TRIM14: variants seen among roughly 807,000 people sequenced by gnomAD.
TRIM14 encodes the protein tripartite motif-containing protein 14.
In TRIM14, 28 loss-of-function variants were observed where a neutral mutation model predicts 44.5. The observed-to-expected ratio is 0.63, with a 90% CI of 0.47 to 0.86. TRIM14 has a LOEUF of 0.86. Among genes scored for constraint, TRIM14 ranks in the 40% least tolerant of loss-of-function variants. TRIM14 has a pLI of 0.00. For missense variants in TRIM14, 607 were observed against 611.1 expected (o/e 0.99, Z 0.07); for synonymous variants, 299 against 269.2 (o/e 1.11, Z -1.08).
At chr9:98,113,694 A>C in intron 1 of TRIM14, among the ~76,000 whole-genome samples, 1 of 152,316 alleles carries the variant, frequency 6.6e-6, no homozygotes, top group South Asian at 2.1e-4. Context: ...ATAAAAATGT[A>C]ATGTAGAATT....
At chr9:98,082,936 G>T (rs1248100555), downstream of TRIM14, 2 of 1,614,056 alleles carry the variant, frequency 1.2e-6, no homozygotes, top group Non-Finnish European at 1.7e-6. Flanking sequence ...TGAGCCCAAA[G>T]GCTATCCTCC....
At chr9:98,057,596 A>C in the TRIM14 span, among the ~76,000 whole-genome samples, 1 of 152,152 alleles carries the variant, frequency 6.6e-6, no homozygotes, top group African/African-American at 2.4e-5. Flanking sequence ...ATGGGGATCA[A>C]ATGAGATTCT....
chr9:98,107,477 G>T (rs1310321218), intron 2 of TRIM14, among the ~76,000 whole-genome samples: 1 of 152,232 alleles, frequency 6.6e-6, no homozygotes, highest in African/African-American at 2.4e-5. Context: ...ACATGGGAAT[G>T]AACTAGTGGT....
Position 98,087,200 on chromosome 9 carries a change from G to C in TRIM14, c.*270C>G. 1.3e-6 allele frequency: 1 copy of C among 745,988 alleles called. No individual in the cohort carries two copies. The highest frequency in any genetic ancestry group is 2.5e-6 in the Non-Finnish European group (1 of 397,292). 46.2% of individuals were successfully genotyped at this position (745,988 alleles called of 1,614,324 possible). A position where few individuals can be genotyped will look rare whatever the true frequency, so the allele number is the denominator to read the frequency against. ...TACCTGTGGGGGTATCACTTTGAAG[G>C]AACTGGATTAAAGTAGTGTAAGTGA... On this transcript the variant is annotated 3_prime_UTR_variant, in exon 6 of 6. Coordinates refer to ENST00000341469, the MANE Select transcript of TRIM14 (RefSeq NM_014788.4).
downstream of TRIM14, among the ~76,000 whole-genome samples, chr9:98,067,255 T>C (rs1829175236): frequency 6.6e-6 from 1 of 152,246 alleles, no homozygotes; most frequent in South Asian, 2.1e-4. Context: ...TGTTCATTTC[T>C]CTTCGGTATT....
downstream of TRIM14, among the ~76,000 whole-genome samples, chr9:98,066,156 A>G (rs1378332172): frequency 6.6e-6 from 1 of 152,208 alleles, no homozygotes; most frequent in Non-Finnish European, 1.5e-5. Context: ...GAGAAATGTT[A>G]TGTGTGCATT....
downstream of TRIM14, among the ~76,000 whole-genome samples, chr9:98,065,650 T>C (rs1829125566): frequency 6.6e-6 from 1 of 151,716 alleles, no homozygotes; most frequent in South Asian, 2.1e-4. Context: ...CTTTTTTTTT[T>C]TTCCCCCTGG....
the TRIM14 span, chr9:98,060,965 G>A: frequency 6.2e-7 from 1 of 1,614,030 alleles, no homozygotes; most frequent in Non-Finnish European, 8.5e-7. Flanking sequence ...CGAGGAGGTT[G>A]GGATCTTCTT....
chr9:98,082,943 C>T (rs1372024010), downstream of TRIM14: 1 of 1,614,184 alleles, frequency 6.2e-7, no homozygotes, highest in South Asian at 1.1e-5. Flanking sequence ...AAAGGCTATC[C>T]TCCTGAAGAC....
At chr9:98,069,961 G>A (rs539756098) in intron 6 of TRIM14, among the ~76,000 whole-genome samples, 3 of 152,318 alleles carry the variant, frequency 2.0e-5, no homozygotes, top group African/African-American at 7.2e-5. Flanking sequence ...CATTCACCCA[G>A]TTGTGGTATT....
the TRIM14 span, chr9:98,056,724 C>A: frequency 6.6e-7 from 1 of 1,514,672 alleles, no homozygotes; most frequent in Non-Finnish European, 8.8e-7. Flanking sequence ...GGTCTCGCAG[C>A]GTTGCTCACA....
Position 98,087,481 on chromosome 9 carries a change from G to A in TRIM14, c.1318C>T (p.Arg440Trp), listed in dbSNP as rs144459488. 1.9e-6 allele frequency: 3 copies of A among 1,602,358 alleles called. No individual in the cohort carries two copies. The highest frequency in any genetic ancestry group is 2.6e-6 in the Non-Finnish European group (3 of 1,174,024). Reference protein sequence around the residue: ...RLWEGAISIPRLP With the variant: ...RLWEGAISIPWLP ...GCCGGTCCTGGCCCCTAGGGCAGCCGGGGGATGCTGATGGCCCCCTCCCAG... is the reference window on the plus strand; with the variant it reads ...GCCGGTCCTGGCCCCTAGGGCAGCCAGGGGATGCTGATGGCCCCCTCCCAG... Residue 440 changes from arginine to tryptophan, a missense_variant, in exon 6 of 6, where the codon CGG becomes TGG. Arg to Trp is a moderately radical substitution (Grantham distance 101). Transcript: ENST00000341469.
chr9:98,064,895 C>T (rs1829090564), downstream of TRIM14, among the ~76,000 whole-genome samples: 1 of 152,198 alleles, frequency 6.6e-6, no homozygotes, highest in Admixed American at 6.5e-5. Flanking sequence ...GCTGGAGAGT[C>T]TCTGGGCCCA....
At position 98,118,998 on chromosome 9, in the gene TRIM14, G is replaced by C; in HGVS notation, c.191C>G (p.Ala64Gly). Residue 64 changes from alanine (A) to glycine (G), a missense_variant, in exon 1 of 6, where the codon GCA becomes GGA. Ala to Gly is a moderately conservative substitution (Grantham distance 60, BLOSUM62 0). This residue lies in a region of TRIM14 where 246 missense variants were observed against 270.8 expected (regional missense o/e 0.91). Coordinates refer to ENST00000341469, the MANE Select transcript of TRIM14 (RefSeq NM_014788.4). ...RGHPVGLALE[A>G]AVHVQKLSQE... is the part of the protein sequence containing the mutation. ...CGTCCCCACCTGCACGTGCACCGCT[G>C]CCTCCAGCGCCAGGCCCACAGGGTG... The C allele has an allele frequency of 6.4e-7, 1 of 1,554,556 alleles. No homozygotes were observed. Among genetic ancestry groups the C allele is most frequent in the Non-Finnish European group, 8.6e-7 (1 of 1,159,640 alleles).
chr9:98,056,437 A>AT, the TRIM14 span, among the ~76,000 whole-genome samples: 2,139 of 152,262 alleles, frequency 0.014, 47 homozygotes, highest in African/African-American at 0.049. Flanking sequence ...CAGGACATAG[A>AT]CTATGCCCTG....
the TRIM14 span, among the ~76,000 whole-genome samples, chr9:98,050,091 C>T: frequency 2.0e-5 from 3 of 152,160 alleles, no homozygotes; most frequent in Admixed American, 6.6e-5. Flanking sequence ...TCAGCGTTTG[C>T]CTTATTTTAA....
intron 1 of TRIM14, among the ~76,000 whole-genome samples, chr9:98,112,570 G>A (rs1173992283): frequency 6.6e-6 from 1 of 151,988 alleles, no homozygotes; most frequent in African/African-American, 2.4e-5. Context: ...GGAGGCCGAG[G>A]CAGGCAGATC....
intron 1 of TRIM14, among the ~76,000 whole-genome samples, chr9:98,110,423 C>G (rs1436756540): frequency 6.6e-6 from 1 of 152,184 alleles, no homozygotes; most frequent in African/African-American, 2.4e-5. Context: ...CCCTCTGGCC[C>G]TGGACTACGT....
intron 1 of TRIM14, among the ~76,000 whole-genome samples, chr9:98,113,535 T>C (rs1408100446): frequency 6.6e-6 from 1 of 152,044 alleles, no homozygotes; most frequent in African/African-American, 2.4e-5. Context: ...TTGTATCTTT[T>C]GTAGAGACAG....
Sources: gnomAD v4.1 joint callset for allele counts (sites outside exome capture counted in the v4.1 genomes callset) on GRCh38, gnomAD v4.1.1 for gene constraint, gnomAD v4.1.1 regional missense constraint, MANE v1.5 for transcripts, NCBI Gene and HGNC (gene_info 2026-07-23, HGNC 2026-07-21) for gene names.